The following KAZN variants were observed in gnomAD, a reference collection of about 807,000 sequenced individuals.
KAZN encodes kazrin.
In KAZN, 40 loss-of-function variants were observed where a neutral mutation model predicts 87.4. That is an observed-to-expected ratio of 0.46 (90% CI 0.36 to 0.60). The LOEUF (loss-of-function observed/expected upper bound fraction) is 0.60, where lower values mean the gene tolerates loss of function less well. Among genes scored for constraint, KAZN ranks in the 20% least tolerant of loss-of-function variants. KAZN has a pLI of 0.00. For missense variants in KAZN, 898 were observed against 1,073.9 expected (o/e 0.84, Z 2.29); for synonymous variants, 466 against 458.3 (o/e 1.02, Z -0.22).
chr1:14,767,001 A>T (rs752955156), intron 1 of KAZN, among the ~76,000 whole-genome samples: 4 of 152,058 alleles, frequency 2.6e-5, no homozygotes, highest in African/African-American at 4.8e-5. Flanking sequence ...GACGAGATGG[A>T]TGTCAGAGAA....
At chr1:14,993,312 A>G (rs1473518646) in intron 2 of KAZN, among the ~76,000 whole-genome samples, 1 of 151,770 alleles carries the variant, frequency 6.6e-6, no homozygotes, top group East Asian at 2.0e-4. Context: ...TACCAAAAAT[A>G]CAAAAAATTA....
At chr1:14,466,843 C>T (rs561724398) in intron 2 of KAZN, among the ~76,000 whole-genome samples, 4 of 152,078 alleles carry the variant, frequency 2.6e-5, no homozygotes, top group Admixed American at 2.6e-4. Context: ...GTGGCGGGCG[C>T]CTGTGGTCCC....
intron 2 of KAZN, among the ~76,000 whole-genome samples, chr1:14,308,847 G>A (rs1314622048): frequency 1.3e-5 from 2 of 152,186 alleles, no homozygotes; most frequent in Non-Finnish European, 2.9e-5. Context: ...TGCCTGTTGT[G>A]TATGATTTCC....
chr1:13,935,002 C>G (rs558976868), intron 1 of KAZN, among the ~76,000 whole-genome samples: 1 of 151,934 alleles, frequency 6.6e-6, no homozygotes, highest in African/African-American at 2.4e-5. Context: ...CTTGAGAGGT[C>G]GAGGCAGGTG....
At chr1:14,111,896 C>T (rs186591306) in intron 1 of KAZN, among the ~76,000 whole-genome samples, 69 of 152,154 alleles carry the variant, frequency 4.5e-4, no homozygotes, top group Non-Finnish European at 5.3e-4. Context: ...CGCACCACCA[C>T]GCCCGGCTAA....
In KAZN at chr1:14,599,011, A is replaced by G. The variant is rs1676723458; in HGVS notation, c.14A>G (p.Asn5Ser). The part of the protein sequence containing the change: MMED[N>S]KQLALRIDGA... ...AAAATCCTGAGCATGATGGAAGACA[A>G]TAAGCAGCTCGCGCTCCGCATCGAT... Residue 5 changes from asparagine (N) to serine (S), a missense_variant, in exon 1 of 15, where the codon AAT (asparagine) becomes AGT (serine). Coordinates refer to ENST00000376030, the MANE Select transcript of KAZN (RefSeq NM_201628.3). This position sits in a 1 kb window ranked among gnomAD's most constrained non-coding sequence, Gnocchi z 4.4. The G allele has an allele frequency of 1.9e-6, 3 of 1,571,108 alleles. No individual in the cohort carries two copies. Among genetic ancestry groups the G allele is most frequent in the Admixed American group, 1.9e-5 (1 of 53,374 alleles).
At chr1:15,033,658 C>T (rs940804553) in intron 2 of KAZN, among the ~76,000 whole-genome samples, 6 of 152,104 alleles carry the variant, frequency 3.9e-5, no homozygotes, top group South Asian at 2.1e-4. Context: ...TGCATTTCCC[C>T]GATGACAATT....
intron 1 of KAZN, among the ~76,000 whole-genome samples, chr1:14,718,849 C>T (rs1184159279): frequency 6.6e-6 from 1 of 152,166 alleles, no homozygotes; most frequent in Non-Finnish European, 1.5e-5. Context: ...CCTTAGGGGA[C>T]ATCATGAAAG....
intron 1 of KAZN, among the ~76,000 whole-genome samples, chr1:14,838,156 C>A (rs1557541895): frequency 6.6e-6 from 1 of 152,138 alleles, no homozygotes; most frequent in Non-Finnish European, 1.5e-5. Context: ...CAATGCTGCA[C>A]CCTCACGTGG....
intron 1 of KAZN, among the ~76,000 whole-genome samples, chr1:14,745,201 G>A (rs561873540): frequency 2.0e-5 from 3 of 149,974 alleles, no homozygotes; most frequent in Admixed American, 6.7e-5. Context: ...AGTATACAGC[G>A]CCAAGACCGA....
chr1:14,468,687 A>G (rs1344575271), intron 2 of KAZN, among the ~76,000 whole-genome samples: 1 of 152,250 alleles, frequency 6.6e-6, no homozygotes, highest in Non-Finnish European at 1.5e-5. Flanking sequence ...GATTGAGTGC[A>G]GGCAAGGCAC....
chr1:14,540,784 C>T (rs1162202936), intron 2 of KAZN, among the ~76,000 whole-genome samples: 1 of 152,140 alleles, frequency 6.6e-6, no homozygotes, highest in Non-Finnish European at 1.5e-5. Flanking sequence ...AATAAATTTG[C>T]TTTGTCCTAA....
At chr1:15,109,727 CTGTGTGTA>C (rs1641426313) in intron 13 of KAZN, among the ~76,000 whole-genome samples, 1 of 150,622 alleles carries the variant, frequency 6.6e-6, no homozygotes, top group South Asian at 2.1e-4. Flanking sequence ...GTGTATATAT[CTGTGTGTA>C]TGTGTGTTTG....
intron 1 of KAZN, among the ~76,000 whole-genome samples, chr1:14,014,988 TC>T (rs2101212766): frequency 1.3e-5 from 2 of 152,344 alleles, no homozygotes; most frequent in Admixed American, 1.3e-4. Context: ...GATCTCTTTT[TC>T]TTGGCTTGGG....
chr1:14,993,220 C>T (rs373633464), intron 2 of KAZN, among the ~76,000 whole-genome samples: 2 of 151,080 alleles, frequency 1.3e-5, no homozygotes, highest in African/African-American at 4.9e-5. Context: ...GTAATCCCAG[C>T]ACTCTGGGAG....
At chr1:14,552,919 G>A (rs1673631728) in intron 2 of KAZN, among the ~76,000 whole-genome samples, 1 of 152,160 alleles carries the variant, frequency 6.6e-6, no homozygotes, top group African/African-American at 2.4e-5. Flanking sequence ...GGTGGGGACA[G>A]CAGCAGACTA....
chr1:13,965,836 A>G (rs902922870), intron 1 of KAZN, among the ~76,000 whole-genome samples: 2 of 152,124 alleles, frequency 1.3e-5, no homozygotes, highest in African/African-American at 4.8e-5. Context: ...CATCACCTGA[A>G]TGTAAAATGT....
chr1:15,018,291 G>C (rs773403816), intron 2 of KAZN, among the ~76,000 whole-genome samples: 2 of 152,058 alleles, frequency 1.3e-5, no homozygotes, highest in Non-Finnish European at 2.9e-5. Context: ...GAGAATGGCG[G>C]TCTAAATATT....
chr1:14,519,635 A>C (rs546041985), intron 2 of KAZN, among the ~76,000 whole-genome samples: 73 of 152,292 alleles, frequency 4.8e-4, no homozygotes, highest in Non-Finnish European at 8.8e-4. Context: ...TGAAAGCATA[A>C]GTGGTGAATA....
Sources: gnomAD v4.1 joint callset for allele counts (sites outside exome capture counted in the v4.1 genomes callset) on GRCh38, gnomAD v4.1.1 for gene constraint, Gnocchi (gnomAD v3.1) non-coding constraint, MANE v1.5 for transcripts, NCBI Gene and HGNC (gene_info 2026-07-23, HGNC 2026-07-21) for gene names.